The following SYN2 variants were observed in gnomAD, a reference collection of about 807,000 sequenced individuals.
SYN2 encodes synapsin II.
A neutral mutation model predicts 50.9 loss-of-function variants in SYN2; 19 were observed. That is an observed-to-expected ratio of 0.37 (90% confidence interval 0.26 to 0.55). SYN2 has a LOEUF of 0.55. Ranked by LOEUF, SYN2 falls within the 20% of genes least tolerant of loss-of-function variation. SYN2 has a pLI of 0.81. For missense variants in SYN2, 587 were observed against 576.4 expected (o/e 1.02, Z -0.19); for synonymous variants, 255 against 224.9 (o/e 1.13, Z -1.20).
Position 12,019,751 on chromosome 3 carries a change from A to G in SYN2, c.377+14823A>G, listed in dbSNP as rs548126621. Among the ~76,000 whole-genome samples, 15 of 152,334 alleles carry G rather than the reference A, an allele frequency of 9.8e-5. No individual in the cohort carries two copies. In the South Asian group the frequency reaches 2.1e-3, roughly 21 times the overall value. On this transcript the variant is annotated intron_variant, in intron 1 of 12. Transcript: ENST00000621198. The stretch of plus-strand genomic sequence containing the variant: ...TGACTTGTATGTACCATTGCACTTA[A>G]TTGTCACCTTGACCTTGTGAGGTAA...
At chr3:12,035,101 A>G (rs938261321) in intron 1 of SYN2, among the ~76,000 whole-genome samples, 2 of 152,222 alleles carry the variant, frequency 1.3e-5, no homozygotes, top group African/African-American at 4.8e-5. Flanking sequence ...AGAAATAGGC[A>G]AGAAAAAGGG....
chr3:12,049,469 A>T (rs1359296822), intron 1 of SYN2, among the ~76,000 whole-genome samples: 1 of 151,996 alleles, frequency 6.6e-6, no homozygotes, highest in Non-Finnish European at 1.5e-5. Context: ...CAGTGAGCCA[A>T]CATTGTGCCA....
chr3:12,070,389 T>G, intron 1 of SYN2: 1 of 527,772 alleles, frequency 1.9e-6, no homozygotes, highest in Admixed American at 2.0e-5. Flanking sequence ...CCTACGTGGG[T>G]GATGAGGCCC....
chr3:12,046,491 A>G (rs1044974511), intron 1 of SYN2, among the ~76,000 whole-genome samples: 3 of 152,198 alleles, frequency 2.0e-5, no homozygotes, highest in Non-Finnish European at 4.4e-5. Flanking sequence ...AGGATTTTGC[A>G]CTTTATTCTC....
At chr3:12,051,779 A>G (rs1694870125) in intron 1 of SYN2, among the ~76,000 whole-genome samples, 1 of 152,198 alleles carries the variant, frequency 6.6e-6, no homozygotes, top group African/African-American at 2.4e-5. Flanking sequence ...GTTCTTTGGA[A>G]CACATTGTAT....
intron 1 of SYN2, among the ~76,000 whole-genome samples, chr3:12,087,369 T>G (rs982475472): frequency 1.3e-5 from 2 of 152,092 alleles, no homozygotes; most frequent in African/African-American, 4.8e-5. Flanking sequence ...ATCCTAAAAT[T>G]TGTAAGAAAC....
chr3:12,098,881 A>ATATATATATATATATATATATATATATAT (rs56665925), intron 1 of SYN2, among the ~76,000 whole-genome samples: 1 of 146,470 alleles, frequency 6.8e-6, no homozygotes, highest in African/African-American at 2.5e-5. Context: ...ATATATATAT[A>ATATATATATATATATATATATATATATAT]ATGCAAATAG....
intron 1 of SYN2, among the ~76,000 whole-genome samples, chr3:12,095,214 A>C (rs1695904090): frequency 2.0e-5 from 3 of 151,666 alleles, no homozygotes; most frequent in Admixed American, 6.6e-5. Context: ...TGGCTTCCGT[A>C]CCATTCCCCT....
chr3:12,064,174 C>G (rs757270774), intron 1 of SYN2, among the ~76,000 whole-genome samples: 2 of 151,800 alleles, frequency 1.3e-5, no homozygotes, highest in Non-Finnish European at 2.9e-5. Context: ...AGATAAAGAC[C>G]AGTTGAGGGG....
At chr3:12,152,241 T>C (rs979190240) in intron 5 of SYN2, among the ~76,000 whole-genome samples, 1 of 152,184 alleles carries the variant, frequency 6.6e-6, no homozygotes, top group African/African-American at 2.4e-5. Flanking sequence ...AAAAACAACC[T>C]TGGGCATTGA....
At chr3:12,016,715 G>T (rs1200990300) in intron 1 of SYN2, among the ~76,000 whole-genome samples, 2 of 152,294 alleles carry the variant, frequency 1.3e-5, no homozygotes, top group East Asian at 3.9e-4. Flanking sequence ...AATTAGCTGG[G>T]TGTGGTGGTG....
intron 11 of SYN2, chr3:12,183,929 C>T (rs1045352258): frequency 1.4e-5 from 14 of 991,620 alleles, no homozygotes; most frequent in East Asian, 2.3e-4. Context: ...CTGTGCTTTT[C>T]GCTTTCTTTC....
chr3:12,060,252 G>A (rs1352517060), intron 1 of SYN2, among the ~76,000 whole-genome samples: 1 of 152,146 alleles, frequency 6.6e-6, no homozygotes, highest in African/African-American at 2.4e-5. Context: ...AACCCCACAG[G>A]TTTGTACAGT....
chr3:12,121,681 AGGAAG>A (rs756451778), intron 1 of SYN2, among the ~76,000 whole-genome samples: 50 of 141,584 alleles, frequency 3.5e-4, no homozygotes, highest in South Asian at 5.2e-4. Context: ...GGAAGGAGAA[AGGAAG>A]GGAAGGGGAG....
intron 10 of SYN2, among the ~76,000 whole-genome samples, chr3:12,172,517 G>T (rs1697959171): frequency 6.6e-6 from 1 of 152,146 alleles, no homozygotes; most frequent in African/African-American, 2.4e-5. Context: ...AATTTGGGAG[G>T]GTTTCAAACA....
intron 1 of SYN2, among the ~76,000 whole-genome samples, chr3:12,106,794 CAT>C (rs1311053867): frequency 5.3e-5 from 8 of 152,108 alleles, no homozygotes; most frequent in South Asian, 4.2e-4. Context: ...TTTCAAAAAT[CAT>C]GTGTAATTTA....
chr3:12,080,412 T>A (rs1695561935), intron 1 of SYN2, among the ~76,000 whole-genome samples: 1 of 152,122 alleles, frequency 6.6e-6, no homozygotes, highest in Admixed American at 6.6e-5. Context: ...CGATTTGAGA[T>A]CTTTCTAGCT....
At chr3:12,141,445 A>G (rs1697015698) in intron 2 of SYN2, among the ~76,000 whole-genome samples, 1 of 152,232 alleles carries the variant, frequency 6.6e-6, no homozygotes, top group African/African-American at 2.4e-5. Flanking sequence ...AAACCTAGAG[A>G]GTACAAGTAA....
chr3:12,162,142 A>G lies in SYN2; in HGVS notation c.968A>G (p.Tyr323Cys), dbSNP rs1697668144. Residue 323 changes from tyrosine (Y) to cysteine (C), a missense_variant, in exon 7 of 13, where the codon TAC becomes TGC. Coordinates refer to ENST00000621198, the MANE Select transcript of SYN2 (RefSeq NM_133625.6). ...DIRVQKIGNN[Y>C]KAYMRTSISG... The stretch of plus-strand genomic sequence containing the variant: ...CGGGTCCAGAAGATTGGCAACAACT[A>G]CAAGGCTTACATGTGAGTAAGAGTG... 2 of 1,614,056 alleles carry G rather than the reference A, an allele frequency of 1.2e-6. No individual in the cohort carries two copies. The highest frequency in any genetic ancestry group is 2.2e-5 in the East Asian group (1 of 44,892).
Sources: gnomAD v4.1 joint callset for allele counts (sites outside exome capture counted in the v4.1 genomes callset) on GRCh38, gnomAD v4.1.1 for gene constraint, MANE v1.5 for transcripts, NCBI Gene and HGNC (gene_info 2026-07-23, HGNC 2026-07-21) for gene names.